Variants in CACNA2D1 observed in about 807,000 individuals in gnomAD.
CACNA2D1 encodes the protein calcium voltage-gated channel auxiliary subunit alpha2delta 1.
CACNA2D1 carries 53 observed loss-of-function variants against 171.5 expected under a neutral mutation model. The ratio of observed to expected loss-of-function variants is 0.31; its 90% CI spans 0.25 to 0.39. The LOEUF is 0.39. Among genes scored for constraint, CACNA2D1 ranks in the 10% least tolerant of loss-of-function variants. The pLI is 1.00. For missense variants in CACNA2D1, 903 were observed against 1,299.8 expected (o/e 0.69, Z 4.69); for synonymous variants, 442 against 443.1 (o/e 1.00, Z 0.03).
At chr7:82,079,399 A>C (rs1809409186) in intron 7 of CACNA2D1, among the ~76,000 whole-genome samples, 1 of 152,136 alleles carries the variant, frequency 6.6e-6, no homozygotes, top group Non-Finnish European at 1.5e-5. Flanking sequence ...GAATCTAAAA[A>C]AGTCTATCTT....
intron 4 of CACNA2D1, among the ~76,000 whole-genome samples, chr7:82,141,276 T>C (rs2129087921): frequency 6.6e-6 from 1 of 152,262 alleles, no homozygotes. Flanking sequence ...TAAAAGATGA[T>C]TCACACCAAA....
At chr7:81,952,456 T>A (rs1370976838) in intron 38 of CACNA2D1, among the ~76,000 whole-genome samples, 1 of 151,880 alleles carries the variant, frequency 6.6e-6, no homozygotes, top group Non-Finnish European at 1.5e-5. Context: ...TATGAAAAAA[T>A]TTTAGTTTCA....
In CACNA2D1 at chr7:82,318,733, C is replaced by T. The variant is rs1473865074; in HGVS notation, c.294+16402G>A. Among the ~76,000 whole-genome samples the T allele has an allele frequency of 5.9e-5, 9 of 152,078 alleles. No homozygotes were observed. In the East Asian group the frequency reaches 1.7e-3, roughly 29 times the overall value. On this transcript the variant is annotated intron_variant, in intron 3 of 38. Coordinates refer to ENST00000356860, the MANE Select transcript of CACNA2D1 (RefSeq NM_000722.4). ...ATAATCTCATTTAGAAACAAAAATG[C>T]CAACCTAGAACTACATGACCTCAGA...
At chr7:82,004,618 C>T (rs561304867) in intron 18 of CACNA2D1, among the ~76,000 whole-genome samples, 10 of 152,090 alleles carry the variant, frequency 6.6e-5, no homozygotes, top group East Asian at 1.9e-4. Context: ...ATCCATGACT[C>T]GGGAGAAAGT....
At chr7:82,278,625 A>T (rs1200676989) in intron 3 of CACNA2D1, among the ~76,000 whole-genome samples, 11 of 151,568 alleles carry the variant, frequency 7.3e-5, no homozygotes, top group Non-Finnish European at 1.3e-4. Context: ...TCTTGAGTGG[A>T]GATGATAAGT....
rs79749065 is a variant in CACNA2D1, at chr7:82,004,518, T to C, written c.1590+905A>G. On this transcript the variant is annotated intron_variant, in intron 18 of 38. Transcript: ENST00000356860. ...GCATTCAATATCAATAGTTCTCTTA[T>C]GGATTTGAACCATATTTAAATAACA... is the stretch of plus-strand genomic sequence containing the variant. Among the ~76,000 whole-genome samples, 1,432 of 152,070 alleles carry C rather than the reference T, an allele frequency of 9.4e-3. 20 individuals are homozygous for C. The highest frequency in any genetic ancestry group is 0.033 in the African/African-American group (1,362 of 41,540).
At chr7:81,987,560 TAAG>T (rs1797098929) in intron 21 of CACNA2D1, among the ~76,000 whole-genome samples, 4 of 152,192 alleles carry the variant, frequency 2.6e-5, no homozygotes, top group Admixed American at 1.3e-4. Context: ...GATCAAGACT[TAAG>T]AAGAGAGAAA....
At chr7:81,984,526 C>G (rs891320917) in intron 22 of CACNA2D1, 109 bp downstream of exon 22, 1 of 712,784 alleles carries the variant, frequency 1.4e-6, no homozygotes, top group Non-Finnish European at 2.6e-6. Context: ...GGTAATAACA[C>G]CTACTAAAAT....
At chr7:82,382,532 C>A (rs1351299220) in intron 1 of CACNA2D1, among the ~76,000 whole-genome samples, 3 of 152,152 alleles carry the variant, frequency 2.0e-5, no homozygotes, top group East Asian at 3.9e-4. Context: ...CGTGCTGGCC[C>A]ATTCACAGAG....
At chr7:81,977,453 T>G (rs1004393145) in intron 24 of CACNA2D1, among the ~76,000 whole-genome samples, 4 of 152,092 alleles carry the variant, frequency 2.6e-5, no homozygotes, top group Non-Finnish European at 4.4e-5. Context: ...TACAACCATC[T>G]GATTTTTGAC....
intron 2 of CACNA2D1, among the ~76,000 whole-genome samples, chr7:82,339,361 A>G (rs977495451): frequency 2.0e-5 from 3 of 152,166 alleles, no homozygotes; most frequent in Non-Finnish European, 4.4e-5. Context: ...TTGCACCTGT[A>G]CTTTCCTTCC....
At chr7:82,301,924 A>G (rs1312820178) in intron 3 of CACNA2D1, among the ~76,000 whole-genome samples, 3 of 151,694 alleles carry the variant, frequency 2.0e-5, no homozygotes, top group Non-Finnish European at 2.9e-5. Flanking sequence ...TGCCTGGCTA[A>G]ATTTTTGTAT....
At chr7:82,140,917 T>C (rs1254240022) in intron 4 of CACNA2D1, among the ~76,000 whole-genome samples, 2 of 134,114 alleles carry the variant, frequency 1.5e-5, no homozygotes, top group African/African-American at 3.1e-5. Flanking sequence ...ATCACGCCAC[T>C]GCACTCCAGC....
intron 10 of CACNA2D1, among the ~76,000 whole-genome samples, chr7:82,056,027 A>T (rs1805862291): frequency 6.8e-6 from 1 of 147,038 alleles, no homozygotes; most frequent in African/African-American, 2.5e-5. Context: ...AAAAAAAAAA[A>T]AAAAGGCCAA....
chr7:82,247,901 A>T (rs1563255407), intron 3 of CACNA2D1, among the ~76,000 whole-genome samples: 2 of 152,206 alleles, frequency 1.3e-5, no homozygotes. Flanking sequence ...TTCCTAACAA[A>T]AACTTTAATA....
intron 24 of CACNA2D1, among the ~76,000 whole-genome samples, chr7:81,979,643 T>C (rs1796243581): frequency 6.6e-6 from 1 of 152,184 alleles, no homozygotes; most frequent in Non-Finnish European, 1.5e-5. Context: ...GGACCCTGTT[T>C]TTGTTGTTTT....
intron 3 of CACNA2D1, among the ~76,000 whole-genome samples, chr7:82,196,898 A>G (rs547565459): frequency 5.9e-5 from 9 of 152,024 alleles, no homozygotes; most frequent in African/African-American, 2.2e-4. Context: ...AAAGTAATAC[A>G]AATTTGAAAT....
intron 1 of CACNA2D1, among the ~76,000 whole-genome samples, chr7:82,424,975 T>C (rs1205969826): frequency 1.3e-5 from 2 of 152,204 alleles, no homozygotes; most frequent in African/African-American, 2.4e-5. Context: ...TCTGAGATGA[T>C]TCTCATAATT....
chr7:82,217,077 A>G (rs1358359407), intron 3 of CACNA2D1, among the ~76,000 whole-genome samples: 3 of 151,886 alleles, frequency 2.0e-5, no homozygotes, highest in African/African-American at 7.3e-5. Flanking sequence ...TCTTTGACCA[A>G]CTCCATTAAC....
Sources: allele counts gnomAD v4.1 joint callset (sites outside exome capture counted in the v4.1 genomes callset), GRCh38; gene constraint gnomAD v4.1.1; transcripts MANE v1.5; gene names NCBI Gene and HGNC (gene_info 2026-07-23, HGNC 2026-07-21).